CPT1C: variants seen among roughly 807,000 people sequenced by gnomAD.
CPT1C encodes palmitoyl thioesterase CPT1C.
CPT1C carries 61 observed loss-of-function variants against 97.3 expected under a neutral mutation model. That is an observed-to-expected ratio of 0.63 (90% CI 0.51 to 0.78). The LOEUF (loss-of-function observed/expected upper bound fraction) is 0.78, where lower values mean the gene tolerates loss of function less well. CPT1C is among the 30% of genes least tolerant of loss of function. CPT1C has a pLI of 0.00. For missense variants in CPT1C, 975 were observed against 1,065.5 expected, an observed-to-expected ratio of 0.92 and a Z score of 1.18; for synonymous variants, 469 against 447.2, an observed-to-expected ratio of 1.05 and a Z score of -0.61.
At chr19:49,703,820 A>G (rs762199748) in intron 7 of CPT1C, among the ~76,000 whole-genome samples, 3 of 151,752 alleles carry the variant, frequency 2.0e-5, no homozygotes, top group African/African-American at 7.3e-5. Context: ...TTTTGTAGAC[A>G]TGGGGTCTTG....
rs2083652797 is a variant in CPT1C, at chr19:49,708,625, C to A, written c.1450-98C>A. 4 of 840,276 alleles carry A rather than the reference C, an allele frequency of 4.8e-6. No individual in the cohort carries two copies. In the Admixed American group the frequency reaches 7.4e-5, roughly 16 times the overall value. The allele number at this position is 840,276 out of a possible 1,614,324, so 52.1% of individuals were successfully genotyped here. A position where few individuals can be genotyped will look rare whatever the true frequency, so the allele number is the denominator to read the frequency against. On this transcript the variant is annotated intron_variant, in intron 13 of 19. Transcript: ENST00000598293. ...GAGGTTTCTGTTTCTCAGGGACTGCCCCCTACCCGAAAAAGGGCTGCATGA... is the reference window on the plus strand; with the variant it reads ...GAGGTTTCTGTTTCTCAGGGACTGCACCCTACCCGAAAAAGGGCTGCATGA...
Position 49,692,237 on chromosome 19 carries a change from AG to A in CPT1C, c.-13del, listed in dbSNP as rs1258092173. The A allele has an allele frequency of 1.2e-6, 2 of 1,612,782 alleles. No individual in the cohort carries two copies. The highest frequency in any genetic ancestry group is 3.3e-5 in the Admixed American group (2 of 59,992). On this transcript the variant is annotated splice_acceptor_variant, in intron 2 of 19. Transcript: ENST00000598293. LOFTEE classifies it low-confidence loss of function (5UTR_SPLICE). Reference sequence around the variant, plus strand: ...CCTGAAGTATGACTCTGCCCGACTCAGGGCTCCAGCGTGACATGGCTGAAGC... The same window carrying A: ...CCTGAAGTATGACTCTGCCCGACTCAGGCTCCAGCGTGACATGGCTGAAGC...
At position 49,701,526 on chromosome 19, in the gene CPT1C, C is replaced by T. The variant is rs769846371; in HGVS notation, c.585C>T (p.Ser195=). Residue 195 remains serine (S), a synonymous_variant, in exon 7 of 20, where the codon TCC becomes TCT. Coordinates refer to ENST00000598293, the MANE Select transcript of CPT1C (RefSeq NM_001199753.2). ...KYLESVRPIL[S]DEDFDWTAVL... is the part of the protein sequence containing the mutation. ...TGGAGTCGGTCCGGCCCATCCTCTC[C>T]GACGAGGACTTCGACTGGACCGCGG... The T allele has an allele frequency of 1.9e-6, 3 of 1,611,578 alleles. No individual in the cohort carries two copies. Among genetic ancestry groups the T allele is most frequent in the Non-Finnish European group, 2.5e-6 (3 of 1,178,570 alleles).
chr19:49,713,348 A>G (rs1236926356), intron 19 of CPT1C, 72 bp from the exon 20 acceptor site: 2 of 1,387,676 alleles, frequency 1.4e-6, no homozygotes. Context: ...CCAGGCCCTT[A>G]GCCCTCTTGT....
At chr19:49,708,932 C>T (rs2083673728) in intron 14 of CPT1C, 93 bp downstream of exon 14, 1 of 811,108 alleles carries the variant, frequency 1.2e-6, no homozygotes, top group African/African-American at 1.7e-5. Context: ...ACGTGAAAAT[C>T]AACCCCATTC....
chr19:49,709,272 C>A (rs543325212), intron 14 of CPT1C, among the ~76,000 whole-genome samples: 8 of 151,906 alleles, frequency 5.3e-5, no homozygotes, highest in African/African-American at 1.9e-4. Flanking sequence ...CAACCCCATC[C>A]TGTACTCAGC....
Position 49,713,421 on chromosome 19 carries a change from A to G in CPT1C, c.2228A>G (p.Asp743Gly). The stretch of plus-strand genomic sequence containing the variant: ...GGCTCTGACCTGTTCTCCTTCCAGG[A>G]TTCCCACAGGCTGGGGCAGCACATT... ...ISSKKSSTKTDSHRLGQHIED... is the reference protein window; with the variant it reads ...ISSKKSSTKTGSHRLGQHIED... Residue 743 changes from aspartate (D) to glycine (G), a missense_variant and splice_region_variant, in exon 20 of 20, where the codon GAT (aspartate) becomes GGT (glycine). By Grantham distance (94) the Asp-to-Gly change is moderately conservative. Coordinates refer to ENST00000598293, the MANE Select transcript of CPT1C (RefSeq NM_001199753.2). The G allele has an allele frequency of 6.2e-7, 1 of 1,609,750 alleles. No individual in the cohort carries two copies. The highest frequency in any genetic ancestry group is 8.5e-7 in the Non-Finnish European group (1 of 1,178,024).
chr19:49,694,272 G>GA (rs1289279972), intron 3 of CPT1C, among the ~76,000 whole-genome samples: 1 of 152,056 alleles, frequency 6.6e-6, no homozygotes, highest in Non-Finnish European at 1.5e-5. Context: ...TATTGATGGT[G>GA]ACACATGCTA....
rs556267703 is a variant in CPT1C, at chr19:49,700,557, A to G, written c.282-127A>G. 8 of 1,037,542 alleles carry G rather than the reference A, an allele frequency of 7.7e-6. No homozygotes were observed. The South Asian group carries it at 8.8e-5, about 11-fold the overall frequency. 64.3% of individuals were successfully genotyped at this position (1,037,542 alleles called of 1,614,324 possible). A position where few individuals can be genotyped will look rare whatever the true frequency, so the allele number is the denominator to read the frequency against. On this transcript the variant is annotated intron_variant, in intron 4 of 19. Transcript: ENST00000598293. ...GGGGGTGACAGAGCTCACACCTACTAAAATGACAAAAATGGGTTTCTCTGT... is the reference window on the plus strand; with the variant it reads ...GGGGGTGACAGAGCTCACACCTACTGAAATGACAAAAATGGGTTTCTCTGT...
intron 19 of CPT1C, 133 bp from the exon 20 acceptor site, chr19:49,713,287 C>G: frequency 1.1e-6 from 1 of 898,368 alleles, no homozygotes; most frequent in Non-Finnish European, 1.7e-6. Flanking sequence ...CCCCTCCTCC[C>G]TCAGACTCGG....
chr19:49,712,481 T>G (rs1600159651), intron 17 of CPT1C: 14 of 468,120 alleles, frequency 3.0e-5, no homozygotes, highest in African/African-American at 8.9e-5. Context: ...GTCAGTGGGG[T>G]GGGGATAAGA....
At chr19:49,705,802 A>C in intron 10 of CPT1C, 107 bp from the exon 11 acceptor site, 1 of 1,000,290 alleles carries the variant, frequency 1.0e-6, no homozygotes. Context: ...GATGATTACT[A>C]GGGTACTTTG....
intron 7 of CPT1C, among the ~76,000 whole-genome samples, chr19:49,702,195 T>C (rs2083211812): frequency 8.0e-6 from 1 of 124,634 alleles, no homozygotes; most frequent in East Asian, 2.1e-4. Context: ...TATAGGCTTA[T>C]ATATTTATTT....
Position 49,701,279 on chromosome 19 carries a change from G to C in CPT1C, c.454-38G>C. 4 of 1,573,092 alleles carry C rather than the reference G, an allele frequency of 2.5e-6. No individual in the cohort carries two copies. The South Asian group carries it at 3.5e-5, about 14-fold the overall frequency. ...CCTGCCCCGTCAACTCCCTGGCTCC[G>C]GTGAGGGGTTAATGACCCGGTAACT... On this transcript the variant is annotated intron_variant, in intron 5 of 19. Transcript: ENST00000598293.
At chr19:49,713,336 A>G (rs905324277) in intron 19 of CPT1C, 84 bp from the exon 20 acceptor site, 22 of 1,298,588 alleles carry the variant, frequency 1.7e-5, no homozygotes, top group Non-Finnish European at 2.3e-5. Flanking sequence ...AGACTCAGGA[A>G]TCCAGGCCCT....
chr19:49,700,778 C>G lies in CPT1C; in HGVS notation c.376C>G (p.Leu126Val), dbSNP rs2082970654. Reference sequence around the variant, plus strand: ...CCTGATCTTCACACTGCACGTGGCCCTGAGGCTGCTTCTGTCCTACCACGG... The same window carrying G: ...CCTGATCTTCACACTGCACGTGGCCGTGAGGCTGCTTCTGTCCTACCACGG... ...GALIFTLHVALRLLLSYHGWL... is the reference protein window; with the variant it reads ...GALIFTLHVAVRLLLSYHGWL... The change falls in exon 5 of 20, where the codon CTG becomes GTG. Residue 126 changes from leucine to valine, a missense_variant. Leu to Val is a conservative substitution (Grantham distance 32). Coordinates refer to ENST00000598293, the MANE Select transcript of CPT1C (RefSeq NM_001199753.2). The G allele has an allele frequency of 1.2e-6, 2 of 1,613,328 alleles. No individual in the cohort carries two copies. The highest frequency in any genetic ancestry group is 2.7e-5 in the African/African-American group (2 of 74,928).
At chr19:49,697,657 C>A (rs2082743065) in intron 4 of CPT1C, 192 bp downstream of exon 4, 1 of 577,914 alleles carries the variant, frequency 1.7e-6, no homozygotes, top group South Asian at 2.4e-5. Context: ...GTAATCCCAG[C>A]ACATTGGGCA....
chr19:49,708,267 T>C (rs933463955), intron 13 of CPT1C, among the ~76,000 whole-genome samples: 3 of 151,976 alleles, frequency 2.0e-5, no homozygotes, highest in African/African-American at 2.4e-5. Context: ...GGAAGATCAA[T>C]TGAGCCCAGG....
In CPT1C at chr19:49,713,657, C is replaced by A; in HGVS notation, c.*52C>A. On this transcript the variant is annotated 3_prime_UTR_variant, in exon 20 of 20. Coordinates refer to ENST00000598293, the MANE Select transcript of CPT1C (RefSeq NM_001199753.2). The stretch of plus-strand genomic sequence containing the variant: ...CCAAGGAATAAGGGTGAAATTGCCA[C>A]AGCTGGCTGACACAGGACAGGGGCA... The A allele has an allele frequency of 1.3e-6, 2 of 1,540,798 alleles. No homozygotes were observed. Among genetic ancestry groups the A allele is most frequent in the South Asian group, 1.2e-5 (1 of 80,894 alleles).
Sources: gnomAD v4.1 joint callset for allele counts (sites outside exome capture counted in the v4.1 genomes callset) on GRCh38, gnomAD v4.1.1 for gene constraint, MANE v1.5 for transcripts, NCBI Gene and HGNC (gene_info 2026-07-23, HGNC 2026-07-21) for gene names.